The following CSMD1 variants were observed in gnomAD, a reference collection of about 807,000 sequenced individuals.
CSMD1 encodes the protein CUB and sushi domain-containing protein 1.
A neutral mutation model predicts 417.5 loss-of-function variants in CSMD1; 213 were observed. The observed-to-expected ratio is 0.51, with a 90% CI of 0.46 to 0.57. The LOEUF is 0.57. Among genes scored for constraint, CSMD1 ranks in the 20% least tolerant of loss-of-function variants. The probability of loss-of-function intolerance (pLI) is 0.00; values close to 1 mark genes in which losing one functional copy is unlikely to be tolerated. For missense variants in CSMD1, 6,923 were observed against 4,529.7 expected, an observed-to-expected ratio of 1.53 and a Z score of -15.17; for synonymous variants, 2,862 against 1,736.8, an observed-to-expected ratio of 1.65 and a Z score of -16.11.
intron 11 of CSMD1, among the ~76,000 whole-genome samples, chr8:3,483,070 G>C (rs1585231423): frequency 6.6e-6 from 1 of 152,028 alleles, no homozygotes; most frequent in African/African-American, 2.4e-5. Context: ...CAAGATTCTA[G>C]CATAAGTAAT....
intron 3 of CSMD1, among the ~76,000 whole-genome samples, chr8:4,271,186 A>G (rs2128851580): frequency 6.6e-6 from 1 of 152,214 alleles, no homozygotes; most frequent in Non-Finnish European, 1.5e-5. Flanking sequence ...GTTTTCATTT[A>G]TGGATAGATG....
chr8:3,594,320 A>C (rs1489865127), intron 8 of CSMD1, among the ~76,000 whole-genome samples: 2 of 152,212 alleles, frequency 1.3e-5, no homozygotes, highest in Non-Finnish European at 2.9e-5. Flanking sequence ...ATATTAACAA[A>C]AAAGAACTGA....
At chr8:4,309,485 T>C (rs1218466350) in intron 3 of CSMD1, among the ~76,000 whole-genome samples, 4 of 152,084 alleles carry the variant, frequency 2.6e-5, no homozygotes, top group Admixed American at 6.6e-5. Context: ...TTAAATGCAT[T>C]TTCTCTCATC....
chr8:4,342,966 T>A (rs1473773912), intron 3 of CSMD1, among the ~76,000 whole-genome samples: 2 of 152,128 alleles, frequency 1.3e-5, no homozygotes, highest in African/African-American at 2.4e-5. Flanking sequence ...GACAGGTAGA[T>A]GTCAGGTAGA....
chr8:4,894,534 A>G (rs1051796076), intron 1 of CSMD1, among the ~76,000 whole-genome samples: 1 of 143,504 alleles, frequency 7.0e-6, no homozygotes, highest in Admixed American at 7.3e-5. Flanking sequence ...GCCTGGGGAC[A>G]ACAGCGAGAA....
chr8:4,939,172 G>C (rs1433616839), intron 1 of CSMD1, among the ~76,000 whole-genome samples: 1 of 151,958 alleles, frequency 6.6e-6, no homozygotes, highest in African/African-American at 2.4e-5. Context: ...TTTGCTTCTT[G>C]GGGAAAAGAA....
At chr8:4,120,208 A>C (rs1355001384) in intron 3 of CSMD1, among the ~76,000 whole-genome samples, 1 of 152,208 alleles carries the variant, frequency 6.6e-6, no homozygotes, top group Non-Finnish European at 1.5e-5. Flanking sequence ...AAAATTTAAA[A>C]TAAAAAAAAT....
intron 23 of CSMD1, among the ~76,000 whole-genome samples, chr8:3,309,302 A>G (rs1308536958): frequency 6.6e-6 from 1 of 151,578 alleles, no homozygotes; most frequent in Admixed American, 6.6e-5. Context: ...CCAAACTCCA[A>G]GATGTCAACT....
intron 1 of CSMD1, among the ~76,000 whole-genome samples, chr8:4,777,290 C>T (rs1193352230): frequency 1.3e-5 from 2 of 152,154 alleles, no homozygotes; most frequent in Non-Finnish European, 2.9e-5. Context: ...GTCTAATTGA[C>T]TCAGTAGGTG....
intron 37 of CSMD1, among the ~76,000 whole-genome samples, chr8:3,165,692 C>A (rs1489437492): frequency 6.6e-6 from 1 of 152,058 alleles, no homozygotes; most frequent in Admixed American, 6.6e-5. Context: ...TCAGCCTCCC[C>A]AAAGTGCTGG....
Position 4,049,249 on chromosome 8 carries a change from G to T in CSMD1, c.416-17150C>A, listed in dbSNP as rs149476788. Among the ~76,000 whole-genome samples, 63 of 151,866 alleles carry T rather than the reference G, an allele frequency of 4.1e-4. No homozygotes were observed. The East Asian group carries it at 0.011, about 27-fold the overall frequency. On this transcript the variant is annotated intron_variant, in intron 3 of 69. Coordinates refer to ENST00000635120, the MANE Select transcript of CSMD1 (RefSeq NM_033225.6). ...TAGACTTCTCAACCTTGACATCACT[G>T]GCATTTTGTATGAAATAATTATTTG... is the stretch of plus-strand genomic sequence containing the variant.
intron 1 of CSMD1, among the ~76,000 whole-genome samples, chr8:4,801,444 T>A (rs1360131823): frequency 6.7e-6 from 1 of 149,888 alleles, no homozygotes; most frequent in Non-Finnish European, 1.5e-5. Context: ...CTTAGCGGAC[T>A]TGACAGCCTC....
At chr8:4,374,689 A>C (rs936955756) in intron 3 of CSMD1, among the ~76,000 whole-genome samples, 3 of 152,136 alleles carry the variant, frequency 2.0e-5, no homozygotes, top group Non-Finnish European at 2.9e-5. Context: ...GGTGGCATTT[A>C]GGAAAATAAG....
intron 3 of CSMD1, among the ~76,000 whole-genome samples, chr8:4,387,148 A>C (rs757063822): frequency 7.9e-5 from 12 of 152,214 alleles, no homozygotes; most frequent in Non-Finnish European, 1.6e-4. Context: ...AAATTTCTTA[A>C]TTTGGAAAAT....
intron 5 of CSMD1, among the ~76,000 whole-genome samples, chr8:3,928,585 T>C (rs1809915621): frequency 1.5e-5 from 2 of 137,892 alleles, no homozygotes; most frequent in South Asian, 2.4e-4. Flanking sequence ...AGTAGTTCCA[T>C]CCACCAATAT....
In CSMD1 at chr8:2,955,699, C is replaced by G; in HGVS notation, c.9884G>C (p.Gly3295Ala). 1 of 1,613,838 alleles carries G rather than the reference C, an allele frequency of 6.2e-7. No homozygotes were observed. Among genetic ancestry groups the G allele is most frequent in the Non-Finnish European group, 8.5e-7 (1 of 1,179,806 alleles). ...DVRAIDLPTF[G>A]YTLVYTCHPG... ...ATGGCAGGTGTACACTAAGGTGTAG[C>G]CGAAAGTAGGAAGATCGATGGCTCT... The change falls in exon 64 of 70, where the codon GGC becomes GCC. Residue 3295 changes from glycine to alanine, a missense_variant. Coordinates refer to ENST00000635120, the MANE Select transcript of CSMD1 (RefSeq NM_033225.6).
At chr8:3,351,616 A>G (rs1273597041) in intron 21 of CSMD1, among the ~76,000 whole-genome samples, 1 of 150,314 alleles carries the variant, frequency 6.7e-6, no homozygotes, top group Admixed American at 6.7e-5. Flanking sequence ...AAAAAAAAGA[A>G]AAGAAAAGAA....
At chr8:3,436,402 ATCTGTGAGAGCTGG>A (rs1328916694) in intron 12 of CSMD1, among the ~76,000 whole-genome samples, 1 of 152,152 alleles carries the variant, frequency 6.6e-6, no homozygotes, top group East Asian at 1.9e-4. Context: ...AGAATGTAAA[ATCTGTGAGAGCTGG>A]TCTTTTGCCC....
intron 68 of CSMD1, among the ~76,000 whole-genome samples, chr8:2,946,107 C>T (rs1400918480): frequency 6.6e-6 from 1 of 152,166 alleles, no homozygotes; most frequent in African/African-American, 2.4e-5. Context: ...TGAGTAACAC[C>T]GTGCACTATG....
Sources: gnomAD v4.1 joint callset for allele counts (sites outside exome capture counted in the v4.1 genomes callset) on GRCh38, gnomAD v4.1.1 for gene constraint, MANE v1.5 for transcripts, NCBI Gene and HGNC (gene_info 2026-07-23, HGNC 2026-07-21) for gene names.